BTAF1: variants seen among roughly 807,000 people sequenced by gnomAD.
BTAF1 encodes TATA-binding protein-associated factor 172.
In BTAF1, 38 loss-of-function variants were observed where a neutral mutation model predicts 227.1. That is an observed-to-expected ratio of 0.17 (90% confidence interval 0.13 to 0.22). BTAF1 has a LOEUF of 0.22. Among genes scored for constraint, BTAF1 ranks in the 10% least tolerant of loss-of-function variants. BTAF1 has a pLI of 1.00. For missense variants in BTAF1, 1,598 were observed against 2,204.0 expected, an observed-to-expected ratio of 0.73 and a Z score of 5.51; for synonymous variants, 742 against 751.9, an observed-to-expected ratio of 0.99 and a Z score of 0.21.
At chr10:91,935,148 T>C (rs1844520302) in intron 1 of BTAF1, 1 of 152,228 alleles carries the variant, frequency 6.6e-6, no homozygotes, top group African/African-American at 2.4e-5. Context: ...AAATGTACAT[T>C]ATTATGGGAG....
intron 4 of BTAF1, among the ~76,000 whole-genome samples, chr10:91,950,158 C>CGG (rs1187763232): frequency 2.2e-5 from 1 of 45,058 alleles, no homozygotes; most frequent in Non-Finnish European, 3.7e-5. Context: ...TGGGGGGGGG[C>CGG]GGGAAAGAAG....
chr10:91,931,420 G>C (rs1054208052), intron 1 of BTAF1, among the ~76,000 whole-genome samples: 4 of 152,146 alleles, frequency 2.6e-5, no homozygotes, highest in African/African-American at 9.7e-5. Flanking sequence ...TCTGTTACCT[G>C]TGTCTCCTCC....
rs772900606 is a variant in BTAF1, at chr10:92,013,816, A to G, written c.4453+8A>G. The G allele has an allele frequency of 6.2e-7, 1 of 1,614,002 alleles. No individual in the cohort carries two copies. The highest frequency in any genetic ancestry group is 1.7e-5 in the Admixed American group (1 of 60,026). On this transcript the variant is annotated splice_region_variant and intron_variant, in intron 31 of 37. Coordinates refer to ENST00000265990, the MANE Select transcript of BTAF1 (RefSeq NM_003972.3). ...GTCGAGAGCAAGAAGCAGGTATGAA[A>G]GAGATATAATTATAACCCTGTGTAA...
At chr10:91,963,995 G>C in intron 12 of BTAF1, 82 bp from the exon 13 acceptor site, 1 of 1,477,092 alleles carries the variant, frequency 6.8e-7, no homozygotes, top group South Asian at 1.2e-5. Flanking sequence ...TGAATCAGTA[G>C]TGACCCCTGG....
chr10:91,925,966 A>G (rs1268242319), intron 1 of BTAF1, among the ~76,000 whole-genome samples: 1 of 152,060 alleles, frequency 6.6e-6, no homozygotes, highest in Non-Finnish European at 1.5e-5. Flanking sequence ...AAAGCCTGTC[A>G]TGTTTTTATG....
chr10:91,983,551 T>G (rs1382974441), intron 18 of BTAF1, among the ~76,000 whole-genome samples: 1 of 152,198 alleles, frequency 6.6e-6, no homozygotes, highest in Non-Finnish European at 1.5e-5. Context: ...GAGGCAGTGA[T>G]GCTATGTTTT....
chr10:91,991,056 C>G (rs1456806967), intron 20 of BTAF1, among the ~76,000 whole-genome samples: 1 of 151,076 alleles, frequency 6.6e-6, no homozygotes, highest in African/African-American at 2.4e-5. Flanking sequence ...ACCATCCTGA[C>G]TAGCATGGTG....
intron 26 of BTAF1, 62 bp downstream of exon 26, chr10:92,008,337 TG>T (rs113804327): frequency 3.2e-5 from 44 of 1,362,992 alleles, no homozygotes; most frequent in Admixed American, 8.5e-5. Context: ...GTGGGTTTGT[TG>T]GGGGGGGCTT....
In BTAF1 at chr10:91,989,452, C is replaced by A; in HGVS notation, c.2726C>A (p.Thr909Lys). 9 of 1,614,094 alleles carry A rather than the reference C, an allele frequency of 5.6e-6. No homozygotes were observed. The highest frequency in any genetic ancestry group is 7.6e-6 in the Non-Finnish European group (9 of 1,180,028). ...QCIAKLLQQC[T>K]TRTPCPNSKI... ...ATAGCTAAACTCCTTCAGCAGTGCA[C>A]AACAAGGACGCCCTGTCCCAATTCA... The change falls in exon 20 of 38, where the codon ACA becomes AAA. Residue 909 changes from threonine to lysine, a missense_variant. By Grantham distance (78) the Thr-to-Lys change is moderately conservative (BLOSUM62 -1). Around this residue, in one of 10 missense-constraint regions of BTAF1, gnomAD observed 425 missense variants for 491.2 expected, o/e 0.87. Coordinates refer to ENST00000265990, the MANE Select transcript of BTAF1 (RefSeq NM_003972.3).
intron 1 of BTAF1, among the ~76,000 whole-genome samples, chr10:91,927,980 C>CTTTTTTTTT (rs60105160): frequency 2.5e-5 from 3 of 121,566 alleles, no homozygotes; most frequent in Non-Finnish European, 5.2e-5. Flanking sequence ...TGCCTTTTTT[C>CTTTTTTTTT]TTTTTTTTTT....
At chr10:91,930,360 A>G (rs567634371) in intron 1 of BTAF1, among the ~76,000 whole-genome samples, 1 of 152,236 alleles carries the variant, frequency 6.6e-6, no homozygotes, top group East Asian at 1.9e-4. Context: ...TTTAACCAAT[A>G]TTTACTGAGT....
rs7900567 is a variant in BTAF1, at chr10:92,011,200, C to G, written c.4181+50C>G. On this transcript the variant is annotated intron_variant, in intron 29 of 37. Transcript: ENST00000265990. ...AAAATTAATATCAAATTTGAAGACT[C>G]TTAATATTTTCCCACTTTAAAGATT... is the stretch of plus-strand genomic sequence containing the variant. 21,087 of 1,518,364 alleles carry G rather than the reference C, an allele frequency of 0.014. 2,534 individuals are homozygous for G. The African/African-American group carries it at 0.26, about 19-fold the overall frequency. The allele number at this position is 1,518,364 out of a possible 1,614,324, so 94.1% of individuals were successfully genotyped here.
rs1589797292 is a variant in BTAF1 at position 91,953,799 on chromosome 10, G to A, written c.627G>A (p.Lys209=). ...GAGCAGGAATGAGCAATAGACAAAA[G>A]AACAAAGCTAAAAGAATGGCCAAGT... The part of the protein sequence containing the change: ...EFRAGMSNRQ[K]NKAKRMAKLF... Residue 209 remains lysine (K), a synonymous_variant, in exon 6 of 38, where the codon AAG becomes AAA. Transcript: ENST00000265990. 1.7e-5 allele frequency: 28 copies of A among 1,613,884 alleles called. No homozygotes were observed. In the East Asian group the frequency reaches 6.2e-4, roughly 36 times the overall value.
chr10:91,942,255 G>T (rs533320247), intron 3 of BTAF1, among the ~76,000 whole-genome samples, 167 bp from the exon 4 acceptor site: 1 of 150,966 alleles, frequency 6.6e-6, no homozygotes, highest in Non-Finnish European at 1.5e-5. Context: ...CTACATTGCA[G>T]CCTGGGCAAC....
intron 2 of BTAF1, among the ~76,000 whole-genome samples, 162 bp downstream of exon 2, chr10:91,935,942 A>G (rs1175147752): frequency 6.7e-6 from 1 of 150,226 alleles, no homozygotes; most frequent in Admixed American, 6.6e-5. Context: ...TTTTTAATCA[A>G]GTTTAGTAGC....
intron 34 of BTAF1, among the ~76,000 whole-genome samples, chr10:92,022,753 C>T (rs553973424): frequency 1.3e-5 from 2 of 152,262 alleles, no homozygotes; most frequent in Admixed American, 6.5e-5. Context: ...CACATAGTCA[C>T]GTCTCTCCTG....
At chr10:91,942,327 T>C in intron 3 of BTAF1, 95 bp from the exon 4 acceptor site, 1 of 763,552 alleles carries the variant, frequency 1.3e-6, no homozygotes, top group Non-Finnish European at 2.1e-6. Flanking sequence ...TGTGTGTGTG[T>C]GTGTAACCCA....
chr10:91,992,909 C>T (rs919122783), intron 21 of BTAF1, among the ~76,000 whole-genome samples: 3 of 152,168 alleles, frequency 2.0e-5, no homozygotes, highest in Non-Finnish European at 2.9e-5. Context: ...ATCTGACAGT[C>T]ACATTATTAG....
chr10:91,953,461 A>G (rs767394480), intron 5 of BTAF1, among the ~76,000 whole-genome samples: 12 of 151,970 alleles, frequency 7.9e-5, no homozygotes, highest in Non-Finnish European at 1.3e-4. Flanking sequence ...GGCCTTCTCT[A>G]TGGGTTAGGA....
Sources: gnomAD v4.1 joint callset for allele counts (sites outside exome capture counted in the v4.1 genomes callset) on GRCh38, gnomAD v4.1.1 for gene constraint, gnomAD v4.1.1 regional missense constraint, MANE v1.5 for transcripts, NCBI Gene and HGNC (gene_info 2026-07-23, HGNC 2026-07-21) for gene names.